Variants in DSCAM observed in about 807,000 individuals in gnomAD.
The protein encoded by DSCAM is DS cell adhesion molecule.
A neutral mutation model predicts 217.7 loss-of-function variants in DSCAM; 47 were observed. That is an observed-to-expected ratio of 0.22 (90% CI 0.17 to 0.28). DSCAM has a LOEUF of 0.28. Ranked by LOEUF, DSCAM falls within the 10% of genes least tolerant of loss-of-function variation. DSCAM has a pLI of 1.00. For missense variants in DSCAM, 2,080 were observed against 2,618.3 expected (o/e 0.79, Z 4.49); for synonymous variants, 1,056 against 1,015.3 (o/e 1.04, Z -0.76).
At chr21:40,062,935 T>C in intron 27 of DSCAM, 36 bp from the exon 28 acceptor site, 1 of 1,558,112 alleles carries the variant, frequency 6.4e-7, no homozygotes, top group Middle Eastern at 1.7e-4. Flanking sequence ...ACATGGTAAA[T>C]AACTCATTAA....
At chr21:40,815,673 T>A (rs909871091) in intron 1 of DSCAM, among the ~76,000 whole-genome samples, 3 of 152,224 alleles carry the variant, frequency 2.0e-5, no homozygotes, top group Non-Finnish European at 4.4e-5. Flanking sequence ...CCGTTTGCTT[T>A]GTTGTTTACG....
chr21:40,766,713 A>G (rs1433746305), intron 1 of DSCAM, among the ~76,000 whole-genome samples: 1 of 108,260 alleles, frequency 9.2e-6, no homozygotes, highest in Non-Finnish European at 1.8e-5. Flanking sequence ...TTTTTGAGGC[A>G]GGGTCTCTTT....
At chr21:40,551,391 G>C (rs1458001018) in intron 3 of DSCAM, among the ~76,000 whole-genome samples, 3 of 152,178 alleles carry the variant, frequency 2.0e-5, no homozygotes, top group Non-Finnish European at 4.4e-5. Flanking sequence ...TCAGTAGAAA[G>C]AAACTGTCTG....
intron 3 of DSCAM, among the ~76,000 whole-genome samples, chr21:40,674,454 T>C (rs2090312789): frequency 6.6e-6 from 1 of 152,148 alleles, no homozygotes; most frequent in Non-Finnish European, 1.5e-5. Context: ...TCCTCAACTT[T>C]TCATTATAGA....
At chr21:40,032,564 A>G (rs1448482025) in intron 32 of DSCAM, among the ~76,000 whole-genome samples, 3 of 152,134 alleles carry the variant, frequency 2.0e-5, no homozygotes, top group Admixed American at 2.0e-4. Context: ...TTTGGGAGTG[A>G]AGATTCATTT....
rs151230583 is a variant in DSCAM at position 40,192,965 on chromosome 21, G to A, written c.2357-3727C>T. Among the ~76,000 whole-genome samples, 626 of 152,228 alleles carry A rather than the reference G, an allele frequency of 4.1e-3. 6 individuals carry two copies. Among genetic ancestry groups the A allele is most frequent in the African/African-American group, 0.015 (608 of 41,522 alleles). On this transcript the variant is annotated intron_variant, in intron 11 of 32. Coordinates refer to ENST00000400454, the MANE Select transcript of DSCAM (RefSeq NM_001389.5). ...TAGAAGTGGAACTACTGGGTTATAT[G>A]GCAATTTCATGTTTAACATTTTGAG... is the stretch of plus-strand genomic sequence containing the variant.
chr21:40,413,620 T>G (rs769887388), intron 3 of DSCAM, among the ~76,000 whole-genome samples: 8 of 152,208 alleles, frequency 5.3e-5, no homozygotes, highest in Non-Finnish European at 1.0e-4. Flanking sequence ...TTATAAAGTC[T>G]GCAAGGAAAT....
chr21:40,311,894 T>C (rs916511942), intron 9 of DSCAM, among the ~76,000 whole-genome samples, 187 bp downstream of exon 9: 7 of 151,440 alleles, frequency 4.6e-5, no homozygotes, highest in Non-Finnish European at 1.0e-4. Flanking sequence ...AAACCTTATC[T>C]TGGAGTTTAG....
At position 40,299,328 on chromosome 21, in the gene DSCAM, T is replaced by A. The variant is rs577793224; in HGVS notation, c.2063-3154A>T. ...GACTGTCATGAATGTAAATATTCAATCCCTAAGTGATTTATTATCGTGTAC... is the reference window on the plus strand; with the variant it reads ...GACTGTCATGAATGTAAATATTCAAACCCTAAGTGATTTATTATCGTGTAC... On this transcript the variant is annotated intron_variant, in intron 9 of 32. Coordinates refer to ENST00000400454, the MANE Select transcript of DSCAM (RefSeq NM_001389.5). Among the ~76,000 whole-genome samples the A allele has an allele frequency of 2.0e-5, 3 of 152,282 alleles. No individual in the cohort carries two copies. In the East Asian group the frequency reaches 5.8e-4, roughly 29 times the overall value.
intron 11 of DSCAM, among the ~76,000 whole-genome samples, chr21:40,259,459 A>T (rs976031385): frequency 9.9e-5 from 15 of 152,094 alleles, no homozygotes; most frequent in African/African-American, 3.6e-4. Context: ...AAGAAGCTAG[A>T]CAGGGACTTC....
chr21:40,343,153 TC>T (rs2074518175), intron 6 of DSCAM, among the ~76,000 whole-genome samples: 1 of 152,162 alleles, frequency 6.6e-6, no homozygotes, highest in African/African-American at 2.4e-5. Flanking sequence ...TGTGTATCAT[TC>T]TTATATCCAA....
chr21:40,645,941 C>A (rs2089940672), intron 3 of DSCAM, among the ~76,000 whole-genome samples: 2 of 151,934 alleles, frequency 1.3e-5, no homozygotes, highest in Admixed American at 1.3e-4. Flanking sequence ...AAAAACAATA[C>A]AAGTATTAGA....
chr21:40,068,963 C>T (rs886321618), intron 27 of DSCAM, among the ~76,000 whole-genome samples: 2 of 151,680 alleles, frequency 1.3e-5, no homozygotes, highest in Non-Finnish European at 2.9e-5. Context: ...TGCATGCCCA[C>T]AATCCCAGCT....
intron 3 of DSCAM, among the ~76,000 whole-genome samples, chr21:40,483,337 T>C (rs911968922): frequency 8.5e-5 from 13 of 152,212 alleles, no homozygotes; most frequent in Non-Finnish European, 1.8e-4. Flanking sequence ...CTACCTATTA[T>C]GGATAAGTAT....
intron 14 of DSCAM, among the ~76,000 whole-genome samples, chr21:40,186,611 C>T (rs369282663): frequency 5.1e-4 from 78 of 152,250 alleles, no homozygotes; most frequent in African/African-American, 1.8e-3. Context: ...CAGCCAGTGT[C>T]GCCGATGGTC....
chr21:40,739,864 C>G (rs1245270305), intron 1 of DSCAM, among the ~76,000 whole-genome samples: 1 of 147,236 alleles, frequency 6.8e-6, no homozygotes, highest in African/African-American at 2.5e-5. Context: ...TTTCACTTTA[C>G]AGTTTCCAGA....
intron 11 of DSCAM, among the ~76,000 whole-genome samples, chr21:40,247,236 C>CCCTCCAAAATCT (rs2146953403): frequency 6.6e-6 from 1 of 152,168 alleles, no homozygotes; most frequent in African/African-American, 2.4e-5. Context: ...TACCCTTGGC[C>CCCTCCAAAATCT]CCTCCAAAAT....
At chr21:40,168,654 T>G (rs918131082) in intron 15 of DSCAM, among the ~76,000 whole-genome samples, 5 of 152,172 alleles carry the variant, frequency 3.3e-5, no homozygotes, top group African/African-American at 1.2e-4. Context: ...GAACTCATTT[T>G]GGGGAGTTTG....
rs752887294 is a variant in DSCAM, at chr21:40,042,430, G to A, written c.5627C>T (p.Pro1876Leu). The change falls in exon 32 of 33, where the codon CCC becomes CTC. Residue 1876 changes from proline (P) to leucine (L), a missense_variant. Coordinates refer to ENST00000400454, the MANE Select transcript of DSCAM (RefSeq NM_001389.5). ...TACTCTTCCTCCATCCTGAGGTTTG[G>A]GGGGAGATGCAGTGAACCTGCAGAT... ...SGICRFTASP[P>L]KPQDGGRVMN... 9.9e-6 allele frequency: 16 copies of A among 1,614,098 alleles called. No individual in the cohort carries two copies. The highest frequency in any genetic ancestry group is 1.7e-6 in the Non-Finnish European group (2 of 1,180,040).
Sources: allele counts gnomAD v4.1 joint callset (sites outside exome capture counted in the v4.1 genomes callset), GRCh38; gene constraint gnomAD v4.1.1; transcripts MANE v1.5; gene names NCBI Gene and HGNC (gene_info 2026-07-23, HGNC 2026-07-21).